Variants in LRRTM3 observed in about 807,000 individuals in gnomAD.
LRRTM3 encodes the protein leucine rich repeat transmembrane neuronal 3.
LRRTM3 carries 24 observed loss-of-function variants against 44.7 expected under a neutral mutation model. The ratio of observed to expected loss-of-function variants is 0.54; its 90% CI spans 0.39 to 0.76. LRRTM3 has a LOEUF of 0.76. LRRTM3 is among the 30% of genes least tolerant of loss of function. The pLI is 0.00. For synonymous variants in LRRTM3, 277 were observed against 278.7 expected (o/e 0.99, Z 0.06); for missense variants, 587 against 702.2 (o/e 0.84, Z 1.85).
rs1196341451 is a variant in LRRTM3, at chr10:66,928,350, A to C, written c.1434A>C (p.Glu478Asp). The change falls in exon 2 of 3, where the codon GAA becomes GAC. Residue 478 changes from glutamate (E) to aspartate (D), a missense_variant. Physicochemically the swap from Glu to Asp is conservative, Grantham distance 45. This residue lies in a region of LRRTM3 where 315 missense variants were observed against 335.6 expected (regional missense o/e 0.94). Transcript: ENST00000361320. Reference sequence around the variant, plus strand: ...AGCAAATGACTCCCAGCACCCAGGAATTTTATGTAGATTATAAACCCACCA... The same window carrying C: ...AGCAAATGACTCCCAGCACCCAGGACTTTTATGTAGATTATAAACCCACCA... ...SLKQMTPSTQ[E>D]FYVDYKPTNT... 1 of 1,614,164 alleles carries C rather than the reference A, an allele frequency of 6.2e-7. No individual in the cohort carries two copies. Among genetic ancestry groups the C allele is most frequent in the South Asian group, 1.1e-5 (1 of 91,082 alleles).
At chr10:67,069,870 T>G (rs1856338695) in intron 2 of LRRTM3, among the ~76,000 whole-genome samples, 1 of 152,202 alleles carries the variant, frequency 6.6e-6, no homozygotes, top group Admixed American at 6.5e-5. Flanking sequence ...AAGGGCTGTT[T>G]GAACACTTTT....
chr10:67,051,710 T>C (rs1461479443), intron 2 of LRRTM3, among the ~76,000 whole-genome samples: 1 of 146,214 alleles, frequency 6.8e-6, no homozygotes, highest in Non-Finnish European at 1.5e-5. Flanking sequence ...GGCCCACACA[T>C]CTTTATACAA....
chr10:67,059,072 C>T (rs184845510), intron 2 of LRRTM3, among the ~76,000 whole-genome samples: 246 of 152,294 alleles, frequency 1.6e-3, no homozygotes, highest in Non-Finnish European at 2.8e-3. Flanking sequence ...TATCTGCACA[C>T]ACAAATGAGT....
At chr10:66,947,354 T>C (rs1252679381) in intron 2 of LRRTM3, among the ~76,000 whole-genome samples, 1 of 152,208 alleles carries the variant, frequency 6.6e-6, no homozygotes, top group African/African-American at 2.4e-5. Flanking sequence ...CACTCAATGC[T>C]GGTTTTACTA....
intron 2 of LRRTM3, among the ~76,000 whole-genome samples, chr10:67,037,716 A>C (rs1429939939): frequency 6.6e-6 from 1 of 152,194 alleles, no homozygotes; most frequent in African/African-American, 2.4e-5. Context: ...TTATGACTAA[A>C]TAGGTGTAGG....
intron 2 of LRRTM3, among the ~76,000 whole-genome samples, chr10:67,089,138 C>T (rs746626421): frequency 2.6e-4 from 39 of 151,858 alleles, no homozygotes; most frequent in Non-Finnish European, 4.4e-5. Context: ...GTTTTGCTAT[C>T]GGGAGTCCTA....
intron 2 of LRRTM3, among the ~76,000 whole-genome samples, chr10:67,075,530 G>A (rs974868187): frequency 1.3e-5 from 2 of 152,252 alleles, no homozygotes; most frequent in African/African-American, 4.8e-5. Flanking sequence ...CCAACGTCAC[G>A]AGACTACATA....
chr10:66,930,679 C>A (rs867111459), intron 2 of LRRTM3, among the ~76,000 whole-genome samples: 2 of 152,052 alleles, frequency 1.3e-5, no homozygotes, highest in African/African-American at 4.8e-5. Context: ...AATATGCTTG[C>A]TGTATTGAAA....
At chr10:66,972,337 T>A (rs906697668) in intron 2 of LRRTM3, among the ~76,000 whole-genome samples, 2 of 152,144 alleles carry the variant, frequency 1.3e-5, no homozygotes, top group African/African-American at 4.8e-5. Flanking sequence ...TACATTTTTT[T>A]AGAGATGAAA....
At chr10:67,068,328 G>A (rs1176656253) in intron 2 of LRRTM3, among the ~76,000 whole-genome samples, 1 of 152,036 alleles carries the variant, frequency 6.6e-6, no homozygotes, top group East Asian at 1.9e-4. Context: ...TCAGGTAAAG[G>A]GAATAATAAA....
At chr10:67,090,513 C>A (rs1336255859) in intron 2 of LRRTM3, among the ~76,000 whole-genome samples, 1 of 152,042 alleles carries the variant, frequency 6.6e-6, no homozygotes, top group Non-Finnish European at 1.5e-5. Context: ...AGATAAGCAA[C>A]AAAATGTAGT....
intron 2 of LRRTM3, among the ~76,000 whole-genome samples, chr10:67,014,848 GGTCAGAGAGAT>G (rs1852559234): frequency 6.6e-6 from 1 of 151,664 alleles, no homozygotes. Flanking sequence ...GTAGAAAAAT[GGTCAGAGAGAT>G]GTATACATAC....
chr10:67,020,019 T>A (rs1008224259), intron 2 of LRRTM3, among the ~76,000 whole-genome samples: 1 of 151,926 alleles, frequency 6.6e-6, no homozygotes, highest in Non-Finnish European at 1.5e-5. Context: ...CAATATCAAC[T>A]GCTTTCCCTC....
chr10:66,973,957 T>C (rs1304561872), intron 2 of LRRTM3, among the ~76,000 whole-genome samples: 1 of 152,140 alleles, frequency 6.6e-6, no homozygotes, highest in Non-Finnish European at 1.5e-5. Flanking sequence ...GAAATATAAT[T>C]TTCATAAAAC....
intron 2 of LRRTM3, among the ~76,000 whole-genome samples, chr10:66,969,060 T>C (rs895944370): frequency 6.6e-6 from 1 of 151,926 alleles, no homozygotes; most frequent in African/African-American, 2.4e-5. Context: ...TAAATATATA[T>C]ATTTACTTTA....
intron 2 of LRRTM3, among the ~76,000 whole-genome samples, chr10:67,075,116 C>G (rs1478080058): frequency 6.6e-6 from 1 of 151,486 alleles, no homozygotes; most frequent in Non-Finnish European, 1.5e-5. Flanking sequence ...GTTACTAAGG[C>G]TCAGAGAAGA....
intron 2 of LRRTM3, among the ~76,000 whole-genome samples, chr10:67,059,727 G>T (rs528244896): frequency 3.9e-5 from 6 of 152,188 alleles, no homozygotes; most frequent in African/African-American, 1.4e-4. Context: ...TCAGAATGGA[G>T]AAAAATCTGA....
At chr10:66,954,825 G>A (rs1848706835) in intron 2 of LRRTM3, among the ~76,000 whole-genome samples, 1 of 151,996 alleles carries the variant, frequency 6.6e-6, no homozygotes, top group Admixed American at 6.6e-5. Flanking sequence ...GATTATTATA[G>A]GCCTTGGGCT....
At chr10:67,014,923 T>C (rs1419099893) in intron 2 of LRRTM3, among the ~76,000 whole-genome samples, 3 of 152,126 alleles carry the variant, frequency 2.0e-5, no homozygotes, top group African/African-American at 7.2e-5. Flanking sequence ...ATTTTAATAT[T>C]TAAATGTTAT....
Sources: allele counts gnomAD v4.1 joint callset (sites outside exome capture counted in the v4.1 genomes callset), GRCh38; gene constraint gnomAD v4.1.1; regional missense constraint gnomAD v4.1.1; transcripts MANE v1.5; gene names NCBI Gene and HGNC (gene_info 2026-07-23, HGNC 2026-07-21).